The following SERPINB6 variants were observed in gnomAD, a reference collection of about 807,000 sequenced individuals.
SERPINB6 encodes the protein serpin family B member 6.
A neutral mutation model predicts 26.1 loss-of-function variants in SERPINB6; 16 were observed. The observed-to-expected ratio is 0.61, with a 90% CI of 0.42 to 0.93. The LOEUF (loss-of-function observed/expected upper bound fraction) is 0.93, where lower values mean the gene tolerates loss of function less well. SERPINB6 is among the 40% of genes least tolerant of loss of function. SERPINB6 has a pLI of 0.00. For synonymous variants in SERPINB6, 174 were observed against 176.6 expected (o/e 0.99, Z 0.11); for missense variants, 420 against 478.0 (o/e 0.88, Z 1.13).
At chr6:2,965,082 C>T (rs1055598173) in intron 1 of SERPINB6, among the ~76,000 whole-genome samples, 3 of 152,186 alleles carry the variant, frequency 2.0e-5, no homozygotes, top group African/African-American at 4.8e-5. Context: ...AAATAGCATT[C>T]GATGCTAAGC....
At chr6:2,961,342 A>C (rs1013484156) in intron 1 of SERPINB6, 1 of 152,238 alleles carries the variant, frequency 6.6e-6, no homozygotes, top group Non-Finnish European at 1.5e-5. Flanking sequence ...GACAATAGAA[A>C]GTACATATTA....
intron 5 of SERPINB6, 52 bp downstream of exon 5, chr6:2,952,992 G>C: frequency 6.2e-7 from 1 of 1,611,906 alleles, no homozygotes; most frequent in Non-Finnish European, 8.5e-7. Context: ...GCCCCGAGCC[G>C]GAGACGCTCG....
chr6:2,951,394 AT>A (rs368527290), intron 5 of SERPINB6, among the ~76,000 whole-genome samples: 36,509 of 132,126 alleles, frequency 0.28, 5,510 homozygotes, highest in East Asian at 0.44. Context: ...CTTGGAAAAA[AT>A]AAAAAATAAA....
chr6:2,955,299 T>A, intron 3 of SERPINB6: 2 of 566,396 alleles, frequency 3.5e-6, no homozygotes, highest in African/African-American at 1.9e-5. Context: ...CAGCCATGCA[T>A]CAAGGAGCTG....
intron 3 of SERPINB6, 66 bp downstream of exon 3, chr6:2,955,458 T>G: frequency 1.2e-6 from 2 of 1,601,014 alleles, no homozygotes; most frequent in South Asian, 2.2e-5. Flanking sequence ...CGCTTCCTGC[T>G]GGGCCCCAGC....
At chr6:2,962,409 C>T (rs1771221785) in intron 1 of SERPINB6, among the ~76,000 whole-genome samples, 1 of 152,202 alleles carries the variant, frequency 6.6e-6, no homozygotes, top group South Asian at 2.1e-4. Flanking sequence ...GAGGAGATGG[C>T]ACGAGTCAGG....
intron 1 of SERPINB6, chr6:2,966,814 G>T: frequency 3.1e-6 from 1 of 319,446 alleles, no homozygotes; most frequent in Non-Finnish European, 4.5e-6. Flanking sequence ...ACACCACCAC[G>T]CCCAGTTCAT....
In SERPINB6 at chr6:2,953,114, TAGAC is replaced by T. The variant is rs776258829; in HGVS notation, c.499_502del (p.Val167IlefsTer32). On this transcript the variant is annotated frameshift_variant, in exon 5 of 7. Transcript: ENST00000380539. LOFTEE classifies it high-confidence loss of function. ...CTGTTCATCCCAGTTTCCTCTGAAA[TAGAC>T]AGCATTCACCAGAACCAGCCTTGTC... 5.6e-6 allele frequency: 9 copies of T among 1,614,206 alleles called. No individual in the cohort carries two copies. In the Admixed American group the frequency reaches 1.5e-4, roughly 27 times the overall value.
At chr6:2,952,591 C>T (rs1372528840) in intron 5 of SERPINB6, among the ~76,000 whole-genome samples, 1 of 152,252 alleles carries the variant, frequency 6.6e-6, no homozygotes, top group East Asian at 1.9e-4. Context: ...TCAGCATTTA[C>T]TAAGCACCAG....
At chr6:2,959,040 G>A in intron 2 of SERPINB6, 128 bp downstream of exon 2, 7 of 1,278,856 alleles carry the variant, frequency 5.5e-6, no homozygotes, top group Non-Finnish European at 7.7e-6. Flanking sequence ...GCCCTTCCCT[G>A]TAAACTCGCC....
At chr6:2,970,500 TAGA>T (rs1273722649) in intron 1 of SERPINB6, 1 of 1,152,892 alleles carries the variant, frequency 8.7e-7, no homozygotes. Context: ...GGACCTTAAC[TAGA>T]AGGTCACTGA....
In SERPINB6 at chr6:2,967,248, A is replaced by G; in HGVS notation, c.-11+4285T>C. ...TAGAAAGTTCTGCTCTGGAAGACTG[A>G]AACTGGACCCCTTCCTTACATACAC... On this transcript the variant is annotated intron_variant, in intron 1 of 6. Coordinates refer to ENST00000380539, the MANE Select transcript of SERPINB6 (RefSeq NM_004568.6). The surrounding 1 kb of genome is among the most constrained non-coding windows in gnomAD (Gnocchi z 4.3). 2.0e-6 allele frequency: 2 copies of G among 985,094 alleles called. No individual in the cohort carries two copies. The highest frequency in any genetic ancestry group is 2.4e-6 in the Non-Finnish European group (2 of 829,604). 61.0% of individuals were successfully genotyped at this position (985,094 alleles called of 1,614,324 possible).
chr6:2,959,182 C>T lies in SERPINB6; in HGVS notation c.151G>A (p.Ala51Thr), dbSNP rs752291019. The change falls in exon 2 of 7, where the codon GCA (alanine) becomes ACA (threonine). Residue 51 changes from alanine (A) to threonine (T), a missense_variant. Coordinates refer to ENST00000380539, the MANE Select transcript of SERPINB6 (RefSeq NM_004568.6). ...VYMGAKGNTA[A>T]QMAQILSFNK... is the part of the protein sequence containing the mutation. ...TGAAGCTGTACCTGGGCCATCTGTG[C>T]AGCGGTGTTTCCCTTTGCCCCCATG... The T allele has an allele frequency of 3.1e-6, 5 of 1,614,214 alleles. 1 individual carries two copies. The Admixed American group carries it at 8.3e-5, about 27-fold the overall frequency.
chr6:2,949,574 G>C (rs181825978), intron 5 of SERPINB6, among the ~76,000 whole-genome samples: 1 of 152,314 alleles, frequency 6.6e-6, no homozygotes, highest in East Asian at 1.9e-4. Flanking sequence ...CCCTGTGTCT[G>C]ACTCACTGGC....
At chr6:2,962,485 T>G (rs1771228162) in intron 1 of SERPINB6, among the ~76,000 whole-genome samples, 1 of 152,194 alleles carries the variant, frequency 6.6e-6, no homozygotes, top group African/African-American at 2.4e-5. Flanking sequence ...CTGATACCAG[T>G]TTCCTCTCTG....
At chr6:2,952,313 C>T (rs994312885) in intron 5 of SERPINB6, among the ~76,000 whole-genome samples, 1 of 152,172 alleles carries the variant, frequency 6.6e-6, no homozygotes, top group Non-Finnish European at 1.5e-5. Context: ...GAAGATCTAA[C>T]TATGGTCAAT....
At position 2,954,725 on chromosome 6, in the gene SERPINB6, T is replaced by C; in HGVS notation, c.313-16A>G. 1 of 1,565,498 alleles carries C rather than the reference T, an allele frequency of 6.4e-7. No individual in the cohort carries two copies. The highest frequency in any genetic ancestry group is 8.8e-7 in the Non-Finnish European group (1 of 1,136,008). ...CTCTAAAAGACTAGGATAGACAGAG[T>C]GACATAACTGCCTGGCTACAAAAAT... On this transcript the variant is annotated splice_polypyrimidine_tract_variant and intron_variant, in intron 3 of 6. Coordinates refer to ENST00000380539, the MANE Select transcript of SERPINB6 (RefSeq NM_004568.6).
intron 1 of SERPINB6, chr6:2,969,231 TGTGA>T (rs1279982304): frequency 4.1e-6 from 4 of 985,720 alleles, no homozygotes; most frequent in Non-Finnish European, 4.8e-6. Flanking sequence ...TCAGCAAACG[TGTGA>T]GTAACAAGGA....
At chr6:2,969,396 C>A (rs1217579051) in intron 1 of SERPINB6, 25 of 955,316 alleles carry the variant, frequency 2.6e-5, no homozygotes, top group African/African-American at 4.1e-5. Flanking sequence ...AATATTTATG[C>A]AAAATTAATT....
Sources: allele counts gnomAD v4.1 joint callset (sites outside exome capture counted in the v4.1 genomes callset), GRCh38; gene constraint gnomAD v4.1.1; non-coding constraint Gnocchi (gnomAD v3.1); transcripts MANE v1.5; gene names NCBI Gene and HGNC (gene_info 2026-07-23, HGNC 2026-07-21).